Variants in ENAH observed in about 807,000 individuals in gnomAD.
ENAH encodes ENAH actin regulator, also known as protein enabled homolog.
A neutral mutation model predicts 78.7 loss-of-function variants in ENAH; 23 were observed. That is an observed-to-expected ratio of 0.29 (90% CI 0.21 to 0.41). The LOEUF is 0.41. ENAH is among the 10% of genes least tolerant of loss of function. ENAH has a pLI of 1.00. For missense variants in ENAH, 544 were observed against 691.0 expected, an observed-to-expected ratio of 0.79 and a Z score of 2.39; for synonymous variants, 226 against 241.0, an observed-to-expected ratio of 0.94 and a Z score of 0.58.
Position 225,571,552 on chromosome 1 carries a change from T to C in ENAH, c.6-4138A>G, listed in dbSNP as rs558979951. Among the ~76,000 whole-genome samples, 3 of 152,128 alleles carry C rather than the reference T, an allele frequency of 2.0e-5. No individual in the cohort carries two copies. In the South Asian group the frequency reaches 6.2e-4, roughly 32 times the overall value. On this transcript the variant is annotated intron_variant, in intron 1 of 13. Transcript: ENST00000366843. The stretch of plus-strand genomic sequence containing the variant: ...AAGTGTCTTTGGTATACTAATGAGA[T>C]GATTCTTGGCTGAAGGGGCTTCTAG...
intron 1 of ENAH, among the ~76,000 whole-genome samples, chr1:225,621,468 AT>A (rs1247344332): frequency 2.7e-5 from 4 of 150,926 alleles, no homozygotes; most frequent in Admixed American, 6.6e-5. Flanking sequence ...AATTTTTTGT[AT>A]TTTTAGTAGA....
At chr1:225,612,110 G>C (rs1040397737) in intron 1 of ENAH, among the ~76,000 whole-genome samples, 6 of 152,052 alleles carry the variant, frequency 3.9e-5, no homozygotes, top group Non-Finnish European at 8.8e-5. Flanking sequence ...ACTGAAAACA[G>C]GTATTCAAAT....
chr1:225,530,668 C>A (rs1487606184), intron 3 of ENAH, 30 bp from the exon 4 acceptor site: 2 of 1,481,484 alleles, frequency 1.3e-6, no homozygotes, highest in Admixed American at 3.4e-5. Context: ...TACAGATGAA[C>A]ATTATTTTCA....
At chr1:225,640,585 T>C (rs549882834) in intron 1 of ENAH, among the ~76,000 whole-genome samples, 52 of 152,320 alleles carry the variant, frequency 3.4e-4, no homozygotes, top group African/African-American at 1.1e-3. Flanking sequence ...TTAAAAACCA[T>C]GGGCTCTGGA....
chr1:225,517,591 G>A (rs1206632850), intron 5 of ENAH: 13 of 1,551,280 alleles, frequency 8.4e-6, no homozygotes, highest in South Asian at 5.9e-5. Context: ...TTTGCCTGGG[G>A]GGCTGCTAAT....
chr1:225,640,163 A>G (rs1205156367), intron 1 of ENAH, among the ~76,000 whole-genome samples: 1 of 152,240 alleles, frequency 6.6e-6, no homozygotes, highest in Non-Finnish European at 1.5e-5. Flanking sequence ...AAAGTCCATC[A>G]TAACATGGAT....
At chr1:225,607,738 C>T (rs558483382) in intron 1 of ENAH, among the ~76,000 whole-genome samples, 1 of 152,096 alleles carries the variant, frequency 6.6e-6, no homozygotes, top group African/African-American at 2.4e-5. Flanking sequence ...CACCACCCTC[C>T]TTTTCCCCAA....
In ENAH at chr1:225,491,590, A is replaced by C. The variant is rs2096222615; in HGVS notation, c.*6185T>G. ...AATTTTTAAAAGCGTTCTGTAATGT[A>C]TCTCTCTTATATGGTTGCAACAATG... On this transcript the variant is annotated 3_prime_UTR_variant, in exon 14 of 14. Transcript: ENST00000366843. The C allele has an allele frequency of 6.6e-6, 1 of 152,102 alleles. No individual in the cohort carries two copies. The highest frequency in any genetic ancestry group is 1.5e-5 in the Non-Finnish European group (1 of 67,994). The allele number at this position is 152,102 out of a possible 1,614,324, so 9.4% of individuals were successfully genotyped here.
chr1:225,518,985 G>A (rs1483465738), intron 5 of ENAH: 13 of 738,210 alleles, frequency 1.8e-5, no homozygotes, highest in Non-Finnish European at 2.7e-5. Context: ...AAATTTCCAA[G>A]AGCTTTCTTT....
rs185030515 is a variant in ENAH, at chr1:225,582,293, G to A, written c.6-14879C>T. 2.6e-5 allele frequency among the ~76,000 whole-genome samples: 4 copies of A among 152,228 alleles called. No homozygotes were observed. In the East Asian group the frequency reaches 7.7e-4, roughly 29 times the overall value. The stretch of plus-strand genomic sequence containing the variant: ...TGATTCTTGTAAAGCCTATGGAACC[G>A]TAAGCCAATTAAACTTCTGTTCTTT... On this transcript the variant is annotated intron_variant, in intron 1 of 13. Transcript: ENST00000366843.
intron 4 of ENAH, among the ~76,000 whole-genome samples, chr1:225,525,812 C>G (rs2096499582): frequency 6.6e-6 from 1 of 152,104 alleles, no homozygotes; most frequent in African/African-American, 2.4e-5. Context: ...ACTCCCACCA[C>G]CCCTTACCAA....
chr1:225,607,130 A>AG (rs567633562), intron 1 of ENAH, among the ~76,000 whole-genome samples: 108 of 152,280 alleles, frequency 7.1e-4, no homozygotes, highest in African/African-American at 2.5e-3. Context: ...AGCAGACTCT[A>AG]GATCAGGAGT....
chr1:225,489,963 CAAT>C lies in ENAH; in HGVS notation c.*7809_*7811del, dbSNP rs1313672525. 4.6e-5 allele frequency: 7 copies of C among 151,838 alleles called. No individual in the cohort carries two copies. In the East Asian group the frequency reaches 5.8e-4, roughly 13 times the overall value. 9.4% of individuals were successfully genotyped at this position (151,838 alleles called of 1,614,324 possible). On this transcript the variant is annotated 3_prime_UTR_variant, in exon 14 of 14. Transcript: ENST00000366843. Reference sequence around the variant, plus strand: ...GACTGTCTCGAAATAATAATAATAACAATAATAATAAAAAGCTTTATCTATCCT... The same window carrying C: ...GACTGTCTCGAAATAATAATAATAACAATAATAAAAAGCTTTATCTATCCT...
intron 1 of ENAH, among the ~76,000 whole-genome samples, chr1:225,573,725 A>G (rs550861780): frequency 6.6e-6 from 1 of 152,330 alleles, no homozygotes; most frequent in Admixed American, 6.5e-5. Context: ...GGAGGCAATC[A>G]AAAGGAGGAA....
chr1:225,621,094 G>A (rs1039409792), intron 1 of ENAH, among the ~76,000 whole-genome samples: 2 of 152,142 alleles, frequency 1.3e-5, no homozygotes, highest in African/African-American at 4.8e-5. Flanking sequence ...GATAAAATGT[G>A]TCCCGAATTA....
chr1:225,498,254 A>C, intron 13 of ENAH, 93 bp downstream of exon 13: 1 of 1,024,768 alleles, frequency 9.8e-7, no homozygotes, highest in Non-Finnish European at 1.5e-6. Context: ...GCCCTCAACT[A>C]ATCAGCTGGG....
intron 4 of ENAH, among the ~76,000 whole-genome samples, chr1:225,520,130 C>A (rs1349933837): frequency 2.0e-5 from 3 of 151,860 alleles, no homozygotes; most frequent in African/African-American, 7.3e-5. Flanking sequence ...CCCATCTCTA[C>A]CAAAAATATA....
intron 10 of ENAH, among the ~76,000 whole-genome samples, chr1:225,509,755 T>C (rs1262967266): frequency 1.3e-5 from 2 of 152,192 alleles, no homozygotes; most frequent in Non-Finnish European, 2.9e-5. Context: ...CTAACTCATA[T>C]TTTCAACCTT....
intron 3 of ENAH, among the ~76,000 whole-genome samples, chr1:225,551,533 T>C (rs1420197668): frequency 6.6e-6 from 1 of 152,150 alleles, no homozygotes; most frequent in African/African-American, 2.4e-5. Flanking sequence ...TAGAGAACCA[T>C]GGAGGCATCT....
Sources: gnomAD v4.1 joint callset for allele counts (sites outside exome capture counted in the v4.1 genomes callset) on GRCh38, gnomAD v4.1.1 for gene constraint, MANE v1.5 for transcripts, NCBI Gene and HGNC (gene_info 2026-07-23, HGNC 2026-07-21) for gene names.